The following TTC27 variants were observed in gnomAD, a reference collection of about 807,000 sequenced individuals.
The protein encoded by TTC27 is tetratricopeptide repeat domain 27.
In TTC27, 79 loss-of-function variants were observed where a neutral mutation model predicts 115.9. The ratio of observed to expected loss-of-function variants is 0.68; its 90% CI spans 0.57 to 0.82. The LOEUF is 0.82. TTC27 is among the 40% of genes least tolerant of loss of function. The pLI is 0.00. For synonymous variants in TTC27, 401 were observed against 356.0 expected (o/e 1.13, Z -1.42); for missense variants, 1,054 against 993.1 (o/e 1.06, Z -0.82).
At chr2:32,676,161 A>T (rs1330142555) in intron 8 of TTC27, among the ~76,000 whole-genome samples, 1 of 151,214 alleles carries the variant, frequency 6.6e-6, no homozygotes, top group Non-Finnish European at 1.5e-5. Flanking sequence ...CCTTCCCTAG[A>T]CTCTTGCTGT....
At chr2:32,710,490 G>A (rs192522396) in intron 10 of TTC27, among the ~76,000 whole-genome samples, 85 of 147,660 alleles carry the variant, frequency 5.8e-4, no homozygotes, top group African/African-American at 1.9e-3. Flanking sequence ...GTGCAGTGGC[G>A]TGATCTCAGC....
intron 16 of TTC27, among the ~76,000 whole-genome samples, chr2:32,799,882 C>G (rs1670862371): frequency 6.6e-6 from 1 of 152,108 alleles, no homozygotes; most frequent in Non-Finnish European, 1.5e-5. Context: ...AAGCTTGAAA[C>G]CAAAATAAAT....
chr2:32,764,781 C>T (rs1669568872), intron 13 of TTC27, among the ~76,000 whole-genome samples: 1 of 152,246 alleles, frequency 6.6e-6, no homozygotes, highest in Admixed American at 6.5e-5. Flanking sequence ...CTTGTCATTT[C>T]AACAATGTTT....
intron 18 of TTC27, among the ~76,000 whole-genome samples, chr2:32,816,963 C>T (rs1052250436): frequency 6.6e-5 from 10 of 152,096 alleles, no homozygotes; most frequent in African/African-American, 2.2e-4. Flanking sequence ...TTTTATTTGT[C>T]TATGCACATG....
intron 4 of TTC27, among the ~76,000 whole-genome samples, chr2:32,644,504 A>G (rs929587769): frequency 1.3e-5 from 2 of 152,142 alleles, no homozygotes; most frequent in Non-Finnish European, 2.9e-5. Flanking sequence ...GGCAGCTGTA[A>G]ACAACTTTTG....
At chr2:32,696,905 T>C (rs17012098) in intron 9 of TTC27, among the ~76,000 whole-genome samples, 10,632 of 152,248 alleles carry the variant, frequency 0.07, 738 homozygotes, top group African/African-American at 0.18. Flanking sequence ...ACTCAGAGAA[T>C]TAGTGAGTAG....
chr2:32,701,417 A>G (rs78800312), intron 9 of TTC27, among the ~76,000 whole-genome samples: 4,461 of 152,328 alleles, frequency 0.029, 81 homozygotes, highest in Middle Eastern at 0.041. Flanking sequence ...AAAATGTTAT[A>G]AAATAATATA....
chr2:32,739,003 AT>A (rs1285632685), intron 12 of TTC27, among the ~76,000 whole-genome samples: 1 of 152,234 alleles, frequency 6.6e-6, no homozygotes, highest in Admixed American at 6.5e-5. Flanking sequence ...AATTAAAAGC[AT>A]TTTTTCTTTC....
chr2:32,716,719 T>G (rs1187338038), intron 10 of TTC27, among the ~76,000 whole-genome samples: 1 of 152,014 alleles, frequency 6.6e-6, no homozygotes, highest in Non-Finnish European at 1.5e-5. Context: ...AGAGACAGGG[T>G]CTTGCTCTGT....
chr2:32,817,591 A>G lies in TTC27; in HGVS notation c.2409+34A>G, dbSNP rs779250383. The G allele has an allele frequency of 2.5e-6, 4 of 1,573,042 alleles. No homozygotes were observed. In the East Asian group the frequency reaches 9.0e-5, roughly 35 times the overall value. ...GACATGTGAATTAATTGGAATTGTC[A>G]TATAGAAAAAGGTCATTAGTATCAG... On this transcript the variant is annotated intron_variant, in intron 19 of 19. Coordinates refer to ENST00000317907, the MANE Select transcript of TTC27 (RefSeq NM_017735.5).
At chr2:32,792,157 G>A (rs1670558697) in intron 16 of TTC27, among the ~76,000 whole-genome samples, 1 of 152,160 alleles carries the variant, frequency 6.6e-6, no homozygotes, top group Non-Finnish European at 1.5e-5. Context: ...TGTCCTTTGT[G>A]TGTATTTTTA....
intron 10 of TTC27, among the ~76,000 whole-genome samples, chr2:32,732,358 C>G (rs1246087852): frequency 6.6e-6 from 1 of 152,190 alleles, no homozygotes; most frequent in East Asian, 1.9e-4. Flanking sequence ...TGAATAACAT[C>G]TTGGATTGTC....
intron 16 of TTC27, among the ~76,000 whole-genome samples, chr2:32,801,395 C>T (rs1387260817): frequency 6.6e-6 from 1 of 152,184 alleles, no homozygotes; most frequent in Non-Finnish European, 1.5e-5. Flanking sequence ...TGGCGTTCCT[C>T]GGCTGTGGCA....
chr2:32,752,313 T>A (rs182895176), intron 12 of TTC27, among the ~76,000 whole-genome samples: 18 of 152,364 alleles, frequency 1.2e-4, no homozygotes, highest in South Asian at 2.1e-4. Flanking sequence ...GATGAGCAGG[T>A]TGCAAGTGAT....
chr2:32,766,849 G>C (rs534277212), intron 13 of TTC27, among the ~76,000 whole-genome samples: 2 of 151,982 alleles, frequency 1.3e-5, no homozygotes, highest in Non-Finnish European at 2.9e-5. Context: ...GCAGTGGTGC[G>C]ATCTCTGCTC....
At chr2:32,812,392 C>T in intron 17 of TTC27, 112 bp from the exon 18 acceptor site, 1 of 777,816 alleles carries the variant, frequency 1.3e-6, no homozygotes, top group South Asian at 1.6e-5. Context: ...TGCTGTACAA[C>T]ACAGATGCTG....
intron 5 of TTC27, among the ~76,000 whole-genome samples, chr2:32,653,606 A>AC (rs1665214181): frequency 6.7e-6 from 1 of 149,936 alleles, no homozygotes; most frequent in Admixed American, 6.6e-5. Flanking sequence ...AAAAAAAAAA[A>AC]CAAAAAAAAA....
chr2:32,773,772 G>A (rs1669905750), intron 13 of TTC27, among the ~76,000 whole-genome samples: 1 of 152,226 alleles, frequency 6.6e-6, no homozygotes, highest in Non-Finnish European at 1.5e-5. Context: ...TGTAAAGAGA[G>A]GAACAGGAGT....
chr2:32,679,348 A>T (rs532540520), intron 9 of TTC27, among the ~76,000 whole-genome samples: 1 of 152,316 alleles, frequency 6.6e-6, no homozygotes, highest in Non-Finnish European at 1.5e-5. Flanking sequence ...ATTACAGAGA[A>T]TTCAGAGGGA....
Sources: allele counts gnomAD v4.1 joint callset (sites outside exome capture counted in the v4.1 genomes callset), GRCh38; gene constraint gnomAD v4.1.1; transcripts MANE v1.5; gene names NCBI Gene and HGNC (gene_info 2026-07-23, HGNC 2026-07-21).